The following CYP27A1 variants were observed in gnomAD, a reference collection of about 807,000 sequenced individuals.
CYP27A1 encodes the protein cytochrome P450 family 27 subfamily A member 1.
A neutral mutation model predicts 58.2 loss-of-function variants in CYP27A1; 46 were observed. The observed-to-expected ratio is 0.79, with a 90% confidence interval of 0.62 to 1.01. The LOEUF (loss-of-function observed/expected upper bound fraction) is 1.01, where lower values mean the gene tolerates loss of function less well. Among genes scored for constraint, CYP27A1 ranks in the 50% least tolerant of loss-of-function variants. CYP27A1 has a pLI of 0.00. For synonymous variants in CYP27A1, 274 were observed against 285.1 expected (o/e 0.96, Z 0.39); for missense variants, 704 against 687.0 (o/e 1.02, Z -0.28).
intron 1 of CYP27A1, among the ~76,000 whole-genome samples, chr2:218,791,549 G>T (rs566725612): frequency 6.6e-6 from 1 of 152,306 alleles, no homozygotes; most frequent in East Asian, 1.9e-4. Context: ...TTGGGAAAAA[G>T]TCTACATCAA....
rs1575205320 is a variant in CYP27A1, at chr2:218,810,918, T to C, written c.446+1151T>C. Among the ~76,000 whole-genome samples, 3 of 152,064 alleles carry C rather than the reference T, an allele frequency of 2.0e-5. No individual in the cohort carries two copies. In the East Asian group the frequency reaches 5.8e-4, roughly 29 times the overall value. On this transcript the variant is annotated intron_variant, in intron 2 of 8. Coordinates refer to ENST00000258415, the MANE Select transcript of CYP27A1 (RefSeq NM_000784.4). Reference sequence around the variant, plus strand: ...ATCCCAGCACTTTGGGAGGCCAAGGTGGGCGGATCATGAGGTCAGGAGATC... The same window carrying C: ...ATCCCAGCACTTTGGGAGGCCAAGGCGGGCGGATCATGAGGTCAGGAGATC...
chr2:218,812,439 G>C lies in CYP27A1; in HGVS notation c.646+18G>C. ...CTTGGAAGGTACCCTTGCTGGGAGA[G>C]GGGCTGGGGAAGGGAATGGGTCAGG... On this transcript the variant is annotated intron_variant, in intron 3 of 8. Coordinates refer to ENST00000258415, the MANE Select transcript of CYP27A1 (RefSeq NM_000784.4). The C allele has an allele frequency of 6.2e-7, 1 of 1,613,960 alleles. No individual in the cohort carries two copies. Among genetic ancestry groups the C allele is most frequent in the Non-Finnish European group, 8.5e-7 (1 of 1,179,814 alleles).
intron 1 of CYP27A1, among the ~76,000 whole-genome samples, chr2:218,795,566 G>A (rs1263415866): frequency 6.6e-6 from 1 of 152,140 alleles, no homozygotes; most frequent in Non-Finnish European, 1.5e-5. Flanking sequence ...TCACCTGACA[G>A]GATTTGCAGG....
rs1425208118 is a variant in CYP27A1, at chr2:218,812,730, G to C, written c.825G>C (p.Trp275Cys). 1 of 1,614,112 alleles carries C rather than the reference G, an allele frequency of 6.2e-7. No homozygotes were observed. The highest frequency in any genetic ancestry group is 8.5e-7 in the Non-Finnish European group (1 of 1,180,060). ...TCTGGAAGCGATACCTGGATGGTTG[G>C]AATGCCATCTTTTCCTTTGGTGAGG... Reference protein sequence around the residue: ...LPFWKRYLDGWNAIFSFGKKL... With the variant: ...LPFWKRYLDGCNAIFSFGKKL... Residue 275 changes from tryptophan (W) to cysteine (C), a missense_variant, in exon 4 of 9, where the codon TGG becomes TGC. Coordinates refer to ENST00000258415, the MANE Select transcript of CYP27A1 (RefSeq NM_000784.4).
chr2:218,787,522 G>A (rs1249578459), intron 1 of CYP27A1, among the ~76,000 whole-genome samples: 1 of 152,194 alleles, frequency 6.6e-6, no homozygotes, highest in Non-Finnish European at 1.5e-5. Flanking sequence ...TAATGAGGAG[G>A]TGCTATGGTT....
intron 1 of CYP27A1, among the ~76,000 whole-genome samples, chr2:218,807,366 G>A (rs979324000): frequency 1.3e-5 from 2 of 152,140 alleles, no homozygotes; most frequent in Non-Finnish European, 2.9e-5. Context: ...TGATATGGCT[G>A]GGGCACTTAT....
chr2:218,793,553 G>A (rs745442965), intron 1 of CYP27A1, among the ~76,000 whole-genome samples: 1 of 151,870 alleles, frequency 6.6e-6, no homozygotes, highest in Non-Finnish European at 1.5e-5. Flanking sequence ...TAACACTACA[G>A]AAAATTTTAT....
At chr2:218,801,240 G>A (rs7600248) in intron 1 of CYP27A1, among the ~76,000 whole-genome samples, 71,729 of 152,072 alleles carry the variant, frequency 0.47, 17,402 homozygotes, top group Non-Finnish European at 0.51. Flanking sequence ...GGTGGCTCAC[G>A]TTGTTTGTAA....
chr2:218,787,150 G>T (rs1257589278), intron 1 of CYP27A1, among the ~76,000 whole-genome samples: 2 of 152,188 alleles, frequency 1.3e-5, no homozygotes, highest in African/African-American at 4.8e-5. Context: ...GGGCTGTGAA[G>T]CTGTGAGGGC....
At position 218,812,966 on chromosome 2, in the gene CYP27A1, A is replaced by C. The variant is rs1385590530; in HGVS notation, c.887A>C (p.Gln296Pro). ...IDEKLEDMEA[Q>P]LQAAGPDGIQ... ...GAGAAGCTCGAAGATATGGAGGCCC[A>C]ACTGCAGGCAGCAGGGCCAGATGGC... The change falls in exon 5 of 9, where the codon CAA becomes CCA. Residue 296 changes from glutamine to proline, a missense_variant. Coordinates refer to ENST00000258415, the MANE Select transcript of CYP27A1 (RefSeq NM_000784.4). 6.2e-7 allele frequency: 1 copy of C among 1,614,218 alleles called. No individual in the cohort carries two copies. Among genetic ancestry groups the C allele is most frequent in the South Asian group, 1.1e-5 (1 of 91,084 alleles).
chr2:218,791,461 T>C (rs974806691), intron 1 of CYP27A1, among the ~76,000 whole-genome samples: 2 of 152,206 alleles, frequency 1.3e-5, no homozygotes, highest in African/African-American at 4.8e-5. Flanking sequence ...TTCACTTCTA[T>C]TATTCGTAGG....
At chr2:218,787,701 C>CCTCTTACCTG (rs141407211) in intron 1 of CYP27A1, among the ~76,000 whole-genome samples, 1 of 151,806 alleles carries the variant, frequency 6.6e-6, no homozygotes, top group South Asian at 2.1e-4. Context: ...TACCCACATG[C>CCTCTTACCTG]TCTGCTTTCT....
chr2:218,801,100 C>G (rs1256977755), intron 1 of CYP27A1, among the ~76,000 whole-genome samples: 1 of 152,068 alleles, frequency 6.6e-6, no homozygotes, highest in African/African-American at 2.4e-5. Flanking sequence ...AAAATGGAAC[C>G]ATTGTGATAA....
Position 218,813,083 on chromosome 2 carries a change from C to A in CYP27A1, c.1004C>A (p.Ala335Asp). The A allele has an allele frequency of 6.2e-7, 1 of 1,611,974 alleles. No homozygotes were observed. The highest frequency in any genetic ancestry group is 8.5e-7 in the Non-Finnish European group (1 of 1,178,478). ...AMGSLPELLM[A>D]GVDTTSNTLT... Reference sequence around the variant, plus strand: ...GGCAGCCTGCCTGAGCTGCTCATGGCTGGAGTGGACACGGTGCGTGAAGGG... The same window carrying A: ...GGCAGCCTGCCTGAGCTGCTCATGGATGGAGTGGACACGGTGCGTGAAGGG... The change falls in exon 5 of 9, where the codon GCT (alanine) becomes GAT (aspartate). Residue 335 changes from alanine to aspartate, a missense_variant. Coordinates refer to ENST00000258415, the MANE Select transcript of CYP27A1 (RefSeq NM_000784.4).
At chr2:218,814,791 A>G in intron 8 of CYP27A1, 34 bp downstream of exon 8, 2 of 1,613,628 alleles carry the variant, frequency 1.2e-6, no homozygotes, top group Non-Finnish European at 1.7e-6. Flanking sequence ...GTGTGTGGGC[A>G]GGGAGGGGTG....
In CYP27A1 at chr2:218,809,281, G is replaced by T. The variant is rs691960; in HGVS notation, c.256-296G>T. ...TCAACGTACCTCAGTTTGCCATATA[G>T]CCCATTTTTCCAAACTTTCACTCCT... On this transcript the variant is annotated intron_variant, in intron 1 of 8. Transcript: ENST00000258415. Among the ~76,000 whole-genome samples the T allele has an allele frequency of 0.066, 10,094 of 151,904 alleles. 1,113 individuals are homozygous for T. The highest frequency in any genetic ancestry group is 0.23 in the African/African-American group (9,484 of 41,332).
chr2:218,783,510 C>T (rs899599669), intron 1 of CYP27A1, among the ~76,000 whole-genome samples: 4 of 152,132 alleles, frequency 2.6e-5, no homozygotes, highest in African/African-American at 9.7e-5. Context: ...TAATGACTAT[C>T]AACAAATATG....
chr2:218,809,831 A>T (rs1943694173), intron 2 of CYP27A1, 64 bp downstream of exon 2: 2 of 1,496,756 alleles, frequency 1.3e-6, no homozygotes, highest in Admixed American at 3.5e-5. Flanking sequence ...GACAGTGGGC[A>T]CAGGGCAGGC....
rs187493096 is a variant in CYP27A1 at position 218,809,435 on chromosome 2, C to T, written c.256-142C>T. ...GCCATCCTGGTGCCTACATCATACA[C>T]AATGCCCTTTTTTTTTTTTTTTTTT... On this transcript the variant is annotated intron_variant, in intron 1 of 8. Coordinates refer to ENST00000258415, the MANE Select transcript of CYP27A1 (RefSeq NM_000784.4). 3.6e-3 allele frequency: 2,500 copies of T among 703,810 alleles called. 13 individuals are homozygous for T. The highest frequency in any genetic ancestry group is 4.3e-3 in the Non-Finnish European group (1,852 of 429,974). 43.6% of individuals were successfully genotyped at this position (703,810 alleles called of 1,614,324 possible).
Sources: gnomAD v4.1 joint callset for allele counts (sites outside exome capture counted in the v4.1 genomes callset) on GRCh38, gnomAD v4.1.1 for gene constraint, MANE v1.5 for transcripts, NCBI Gene and HGNC (gene_info 2026-07-23, HGNC 2026-07-21) for gene names.